The following FANCA variants were observed in gnomAD, a reference collection of about 807,000 sequenced individuals.
FANCA encodes the protein FA complementation group A.
In FANCA, 236 loss-of-function variants were observed where a neutral mutation model predicts 194.3. That is an observed-to-expected ratio of 1.21 (90% CI 1.09 to 1.35). The LOEUF is 1.35. FANCA is among the 40% of genes most tolerant of loss of function. The pLI is 0.00. For synonymous variants in FANCA, 1,014 were observed against 715.8 expected (o/e 1.42, Z -6.65); for missense variants, 2,628 against 1,813.9 (o/e 1.45, Z -8.15).
intron 2 of FANCA, among the ~76,000 whole-genome samples, chr16:89,815,226 G>A (rs1024972269): frequency 4.6e-5 from 7 of 151,672 alleles, no homozygotes; most frequent in African/African-American, 1.2e-4. Context: ...AAGTAGTGAC[G>A]GGGTTTCACC....
At chr16:89,779,671 T>C (rs987559253) in intron 18 of FANCA, among the ~76,000 whole-genome samples, 198 bp downstream of exon 18, 1 of 152,214 alleles carries the variant, frequency 6.6e-6, no homozygotes, top group Non-Finnish European at 1.5e-5. Flanking sequence ...TCTCTCTGAA[T>C]AGACAGTGGC....
intron 2 of FANCA, among the ~76,000 whole-genome samples, chr16:89,815,042 CCTTTTTTT>C (rs934596103): frequency 1.3e-5 from 2 of 152,230 alleles, no homozygotes; most frequent in Non-Finnish European, 2.9e-5. Context: ...GGGCTATTTT[CCTTTTTTT>C]CTTTTTTGAG....
intron 17 of FANCA, among the ~76,000 whole-genome samples, chr16:89,782,652 T>TA (rs974726575): frequency 6.6e-6 from 1 of 152,116 alleles, no homozygotes; most frequent in African/African-American, 2.4e-5. Context: ...TGCCACACAG[T>TA]AACCCTTTCC....
chr16:89,785,541 C>T (rs2039867721), intron 14 of FANCA, among the ~76,000 whole-genome samples: 1 of 152,188 alleles, frequency 6.6e-6, no homozygotes, highest in African/African-American at 2.4e-5. Context: ...AAGCGAGGAA[C>T]ATGAGCAAAC....
At chr16:89,801,897 C>G (rs1392396636) in intron 8 of FANCA, among the ~76,000 whole-genome samples, 1 of 150,012 alleles carries the variant, frequency 6.7e-6, no homozygotes, top group African/African-American at 2.4e-5. Flanking sequence ...CAAAAAAACA[C>G]AAAAAAACAA....
rs16966142 is a variant in FANCA at position 89,784,625 on chromosome 16, C to T, written c.1470+229G>A. ...GAGAAAAGGGTTTCTTAGCAGTTGC[C>T]TTGACTGGCACACACGCACTCACTG... is the stretch of plus-strand genomic sequence containing the variant. On this transcript the variant is annotated intron_variant, in intron 15 of 42. Coordinates refer to ENST00000389301, the MANE Select transcript of FANCA (RefSeq NM_000135.4). Among the ~76,000 whole-genome samples, 22,142 of 151,924 alleles carry T rather than the reference C, an allele frequency of 0.15. 2,615 individuals are homozygous for T. The highest frequency in any genetic ancestry group is 0.59 in the East Asian group (3,062 of 5,156).
rs766710139 is a variant in FANCA, at chr16:89,739,260, G to A, written c.4040C>T (p.Ala1347Val). Residue 1347 changes from alanine (A) to valine (V), a missense_variant, in exon 41 of 43, where the codon GCC becomes GTC. Physicochemically the swap from Ala to Val is moderately conservative, Grantham distance 64. Coordinates refer to ENST00000389301, the MANE Select transcript of FANCA (RefSeq NM_000135.4). ...ATGCAGGAAGGCCTCTTCCCTGATG[G>A]CCGCGTCTTCATGGAAGTAGGAGAG... Reference protein sequence around the residue: ...SLLSYFHEDAAIREEAFLHVA... With the variant: ...SLLSYFHEDAVIREEAFLHVA... 6 of 1,614,162 alleles carry A rather than the reference G, an allele frequency of 3.7e-6. No homozygotes were observed. The South Asian group carries it at 4.4e-5, about 12-fold the overall frequency.
intron 14 of FANCA, among the ~76,000 whole-genome samples, chr16:89,787,575 A>T (rs1340710196): frequency 2.6e-5 from 4 of 151,888 alleles, no homozygotes; most frequent in African/African-American, 7.3e-5. Context: ...TCCACAAAAA[A>T]TTTTTTAATA....
intron 8 of FANCA, 86 bp from the exon 9 acceptor site, chr16:89,799,724 T>C (rs939358615): frequency 1.7e-6 from 2 of 1,205,734 alleles, no homozygotes; most frequent in Non-Finnish European, 2.5e-6. Context: ...TTATTACTTG[T>C]TACTCTAAAG....
chr16:89,808,278 A>T lies in FANCA; in HGVS notation c.596+16T>A, dbSNP rs753603461. 6.2e-7 allele frequency: 1 copy of T among 1,612,582 alleles called. No individual in the cohort carries two copies. Among genetic ancestry groups the T allele is most frequent in the Non-Finnish European group, 8.5e-7 (1 of 1,178,568 alleles). On this transcript the variant is annotated intron_variant, in intron 6 of 42. Transcript: ENST00000389301. ...ACTGCAAAAACAGTAACACTGAATCATCATTAGCACGCTACCTTTCCAGCA... is the reference window on the plus strand; with the variant it reads ...ACTGCAAAAACAGTAACACTGAATCTTCATTAGCACGCTACCTTTCCAGCA...
At chr16:89,810,040 A>C (rs1464670998) in intron 5 of FANCA, among the ~76,000 whole-genome samples, 1 of 149,500 alleles carries the variant, frequency 6.7e-6, no homozygotes, top group Non-Finnish European at 1.5e-5. Flanking sequence ...ATAAAAATAA[A>C]TGCCAGGCGC....
intron 29 of FANCA, among the ~76,000 whole-genome samples, chr16:89,759,993 C>T (rs563874412): frequency 9.3e-5 from 14 of 151,124 alleles, no homozygotes; most frequent in South Asian, 4.2e-4. Flanking sequence ...TGTCCGGGAC[C>T]GGGGTGCTCC....
intron 6 of FANCA, among the ~76,000 whole-genome samples, 173 bp downstream of exon 6, chr16:89,808,121 A>C (rs939961415): frequency 1.3e-5 from 2 of 152,216 alleles, no homozygotes; most frequent in South Asian, 4.1e-4. Flanking sequence ...TGAAATAATA[A>C]AGCAATAGTT....
chr16:89,746,947 C>G lies in FANCA; in HGVS notation c.3349-57G>C, dbSNP rs2038412766. On this transcript the variant is annotated intron_variant, in intron 33 of 42. Coordinates refer to ENST00000389301, the MANE Select transcript of FANCA (RefSeq NM_000135.4). ...CCCACAGGAAGAGAGGCGAGACCAA[C>G]ATGCAGAGTGGCTGCTGTGGATTCA... 4 of 1,443,320 alleles carry G rather than the reference C, an allele frequency of 2.8e-6. No individual in the cohort carries two copies. In the East Asian group the frequency reaches 9.9e-5, roughly 36 times the overall value. The allele number at this position is 1,443,320 out of a possible 1,614,324, so 89.4% of individuals were successfully genotyped here.
Position 89,750,466 on chromosome 16 carries a change from G to A in FANCA, c.3067-564C>T, listed in dbSNP as rs1351242196. On this transcript the variant is annotated intron_variant, in intron 31 of 42. Coordinates refer to ENST00000389301, the MANE Select transcript of FANCA (RefSeq NM_000135.4). ...CCACTGCACTTCAGACTGGGCAACA[G>A]AGTGAGACTCCGTCTCAAAAAAAAA... 2.1e-5 allele frequency among the ~76,000 whole-genome samples: 3 copies of A among 145,286 alleles called. No homozygotes were observed. The Admixed American group carries it at 2.1e-4, about 10-fold the overall frequency.
intron 20 of FANCA, among the ~76,000 whole-genome samples, chr16:89,776,231 G>A (rs1332912412): frequency 2.1e-5 from 3 of 139,934 alleles, no homozygotes; most frequent in Admixed American, 1.5e-4. Context: ...GCAGTGGTGC[G>A]ATCTCGGCTC....
intron 6 of FANCA, 102 bp from the exon 7 acceptor site, chr16:89,805,494 T>C: frequency 1.2e-6 from 1 of 825,374 alleles, no homozygotes; most frequent in Non-Finnish European, 2.0e-6. Context: ...GACAGTTTTT[T>C]GCTGTCACTG....
intron 8 of FANCA, among the ~76,000 whole-genome samples, chr16:89,800,985 A>G (rs1273014222): frequency 2.7e-5 from 4 of 149,314 alleles, no homozygotes. Flanking sequence ...GTGAACCAAG[A>G]TGGCACCACT....
At chr16:89,769,228 C>A (rs2039236406) in intron 26 of FANCA, among the ~76,000 whole-genome samples, 1 of 152,250 alleles carries the variant, frequency 6.6e-6, no homozygotes. Context: ...AAGCTACAAG[C>A]CAAGCCCCAG....
Sources: gnomAD v4.1 joint callset for allele counts (sites outside exome capture counted in the v4.1 genomes callset) on GRCh38, gnomAD v4.1.1 for gene constraint, MANE v1.5 for transcripts, NCBI Gene and HGNC (gene_info 2026-07-23, HGNC 2026-07-21) for gene names.